SERPINI1: variants seen among roughly 807,000 people sequenced by gnomAD.
SERPINI1 encodes serpin family I member 1, also known as neuroserpin.
SERPINI1 carries 19 observed loss-of-function variants against 41.1 expected under a neutral mutation model. The ratio of observed to expected loss-of-function variants is 0.46; its 90% CI spans 0.32 to 0.68. SERPINI1 has a LOEUF of 0.68. Ranked by LOEUF, SERPINI1 falls within the 30% of genes least tolerant of loss-of-function variation. SERPINI1 has a pLI of 0.03. For synonymous variants in SERPINI1, 138 were observed against 156.6 expected (o/e 0.88, Z 0.89); for missense variants, 460 against 479.2 (o/e 0.96, Z 0.37).
intron 1 of SERPINI1, among the ~76,000 whole-genome samples, chr3:167,781,633 CCTT>C (rs68142868): frequency 0.1 from 13,097 of 128,430 alleles, 474 homozygotes; most frequent in African/African-American, 0.17. Context: ...TTTCTTTTGG[CCTT>C]TTTTTTTTTT....
chr3:167,759,299 CA>C (rs1324646582), intron 1 of SERPINI1, among the ~76,000 whole-genome samples: 11 of 150,970 alleles, frequency 7.3e-5, no homozygotes, highest in African/African-American at 2.7e-4. Context: ...ATCATTTTAT[CA>C]AAAAGACACC....
At chr3:167,780,012 T>A (rs993821817) in intron 1 of SERPINI1, among the ~76,000 whole-genome samples, 1 of 152,178 alleles carries the variant, frequency 6.6e-6, no homozygotes, top group African/African-American at 2.4e-5. Context: ...CCATTGGCTT[T>A]AAGAGGCATC....
intron 1 of SERPINI1, among the ~76,000 whole-genome samples, chr3:167,767,075 G>T (rs2108543264): frequency 6.6e-6 from 1 of 152,376 alleles, no homozygotes; most frequent in African/African-American, 2.4e-5. Flanking sequence ...TTCATAGCTG[G>T]AGAGATAAAG....
rs139149567 is a variant in SERPINI1 at position 167,813,375 on chromosome 3, A to G, written c.979+6034A>G. Among the ~76,000 whole-genome samples the G allele has an allele frequency of 3.8e-3, 584 of 152,226 alleles. 3 individuals carry two copies. The highest frequency in any genetic ancestry group is 6.8e-3 in the Middle Eastern group (2 of 294). On this transcript the variant is annotated intron_variant, in intron 6 of 8. Coordinates refer to ENST00000446050, the MANE Select transcript of SERPINI1 (RefSeq NM_001122752.2). Reference sequence around the variant, plus strand: ...GGACAAATCCAGGCTCTCTAGCATCATCGTCAAAGCTCTTAAAATTATGTC... The same window carrying G: ...GGACAAATCCAGGCTCTCTAGCATCGTCGTCAAAGCTCTTAAAATTATGTC...
intron 1 of SERPINI1, among the ~76,000 whole-genome samples, chr3:167,752,814 A>G (rs1431747341): frequency 6.6e-6 from 1 of 151,998 alleles, no homozygotes; most frequent in Non-Finnish European, 1.5e-5. Flanking sequence ...TCAGGCCTTC[A>G]TATTATTCCC....
At chr3:167,802,950 A>G (rs916500774) in intron 5 of SERPINI1, among the ~76,000 whole-genome samples, 27 of 151,240 alleles carry the variant, frequency 1.8e-4, no homozygotes, top group Non-Finnish European at 3.2e-4. Flanking sequence ...TGCAGCCATA[A>G]AAAATGATGA....
intron 4 of SERPINI1, among the ~76,000 whole-genome samples, chr3:167,793,253 G>A (rs907445767): frequency 7.2e-5 from 11 of 152,064 alleles, no homozygotes; most frequent in African/African-American, 1.2e-4. Flanking sequence ...AATTTATTGA[G>A]AGCCTATAAT....
At chr3:167,755,291 C>T (rs1308046838) in intron 1 of SERPINI1, among the ~76,000 whole-genome samples, 1 of 152,168 alleles carries the variant, frequency 6.6e-6, no homozygotes. Flanking sequence ...CACGATCACT[C>T]CAAATGGACC....
chr3:167,807,327 T>G lies in SERPINI1; in HGVS notation c.965T>G (p.Leu322Trp), dbSNP rs1271122328. ...ITEIFIKDANLTGLSDNKEIF... is the reference protein window; with the variant it reads ...ITEIFIKDANWTGLSDNKEIF... Reference sequence around the variant, plus strand: ...GAAATTTTCATCAAAGATGCAAATTTGACAGGCCTCTCTGGTAAGAAATAA... The same window carrying G: ...GAAATTTTCATCAAAGATGCAAATTGGACAGGCCTCTCTGGTAAGAAATAA... Residue 322 changes from leucine to tryptophan, a missense_variant, in exon 6 of 9, where the codon TTG (leucine) becomes TGG (tryptophan). By Grantham distance (61) the Leu-to-Trp change is moderately conservative. Coordinates refer to ENST00000446050, the MANE Select transcript of SERPINI1 (RefSeq NM_001122752.2). 11 of 1,604,810 alleles carry G rather than the reference T, an allele frequency of 6.9e-6. No homozygotes were observed. The highest frequency in any genetic ancestry group is 9.4e-6 in the Non-Finnish European group (11 of 1,171,926).
chr3:167,771,841 G>A (rs1726761073), intron 1 of SERPINI1, among the ~76,000 whole-genome samples: 1 of 150,156 alleles, frequency 6.7e-6, no homozygotes, highest in African/African-American at 2.5e-5. Flanking sequence ...GCGCGTGTGT[G>A]TGTGTGCGCG....
chr3:167,774,057 A>G (rs13066280), intron 1 of SERPINI1, among the ~76,000 whole-genome samples: 19,455 of 152,150 alleles, frequency 0.13, 1,500 homozygotes, highest in African/African-American at 0.21. Context: ...AAAAAAAAGA[A>G]TTCTTAGAGG....
intron 1 of SERPINI1, among the ~76,000 whole-genome samples, chr3:167,780,510 C>T (rs1295311670): frequency 6.6e-6 from 1 of 152,148 alleles, no homozygotes; most frequent in African/African-American, 2.4e-5. Context: ...ATCCTTCTGC[C>T]TTTAACTGTG....
intron 5 of SERPINI1, among the ~76,000 whole-genome samples, chr3:167,799,018 T>TA (rs1727805640): frequency 6.6e-6 from 1 of 152,172 alleles, no homozygotes; most frequent in Non-Finnish European, 1.5e-5. Context: ...TATTTTTTCA[T>TA]ATTAAAATGC....
intron 1 of SERPINI1, among the ~76,000 whole-genome samples, chr3:167,742,659 T>C (rs1322455570): frequency 6.6e-6 from 1 of 152,194 alleles, no homozygotes; most frequent in African/African-American, 2.4e-5. Flanking sequence ...GAAGTGGAGA[T>C]ATCAAAGACT....
At chr3:167,767,029 ACACC>A (rs1462423365) in intron 1 of SERPINI1, among the ~76,000 whole-genome samples, 1 of 152,218 alleles carries the variant, frequency 6.6e-6, no homozygotes, top group Non-Finnish European at 1.5e-5. Context: ...TGTCGATGAA[ACACC>A]CTTATACTGT....
intron 6 of SERPINI1, among the ~76,000 whole-genome samples, chr3:167,821,511 G>A (rs1712326044): frequency 6.6e-6 from 1 of 152,206 alleles, no homozygotes; most frequent in East Asian, 1.9e-4. Context: ...ACAGTAGCCA[G>A]AGTGCCTGAC....
chr3:167,741,381 A>G (rs780258905), intron 1 of SERPINI1, among the ~76,000 whole-genome samples: 1 of 152,226 alleles, frequency 6.6e-6, no homozygotes, highest in Non-Finnish European at 1.5e-5. Context: ...AGGCAATTCA[A>G]TGAGTACCTA....
Position 167,774,730 on chromosome 3 carries a change from A to G in SERPINI1, c.-18-14381A>G, listed in dbSNP as rs899244403. Reference sequence around the variant, plus strand: ...TGCACTCCTCATGAGAATCTAACTAATGCCTGATGATCTGAGGTGGAGCAG... The same window carrying G: ...TGCACTCCTCATGAGAATCTAACTAGTGCCTGATGATCTGAGGTGGAGCAG... On this transcript the variant is annotated intron_variant, in intron 1 of 8. Coordinates refer to ENST00000446050, the MANE Select transcript of SERPINI1 (RefSeq NM_001122752.2). 1.3e-3 allele frequency among the ~76,000 whole-genome samples: 201 copies of G among 152,242 alleles called. 2 individuals carry two copies. The highest frequency in any genetic ancestry group is 4.5e-3 in the African/African-American group (188 of 41,536).
intron 3 of SERPINI1, among the ~76,000 whole-genome samples, chr3:167,792,025 T>C (rs1727535911): frequency 6.6e-6 from 1 of 152,114 alleles, no homozygotes; most frequent in Non-Finnish European, 1.5e-5. Context: ...TTCAGGAGGC[T>C]GAGGCATGAG....
Sources: allele counts gnomAD v4.1 joint callset (sites outside exome capture counted in the v4.1 genomes callset), GRCh38; gene constraint gnomAD v4.1.1; transcripts MANE v1.5; gene names NCBI Gene and HGNC (gene_info 2026-07-23, HGNC 2026-07-21).